Variants in ARHGEF10L observed in about 807,000 individuals in gnomAD.
ARHGEF10L encodes Rho guanine nucleotide exchange factor 10 like, also known as rho guanine nucleotide exchange factor 10-like protein.
A neutral mutation model predicts 141.2 loss-of-function variants in ARHGEF10L; 69 were observed. That is an observed-to-expected ratio of 0.49 (90% confidence interval 0.40 to 0.60). The LOEUF (loss-of-function observed/expected upper bound fraction) is 0.60, where lower values mean the gene tolerates loss of function less well. Ranked by LOEUF, ARHGEF10L falls within the 20% of genes least tolerant of loss-of-function variation. The pLI, the probability that ARHGEF10L is intolerant of heterozygous loss-of-function variation, is 0.00. For missense variants in ARHGEF10L, 1,482 were observed against 1,734.3 expected (o/e 0.85, Z 2.58); for synonymous variants, 711 against 718.5 (o/e 0.99, Z 0.17).
At chr1:17,671,959 G>A (rs1330564872) in intron 26 of ARHGEF10L, among the ~76,000 whole-genome samples, 1 of 152,334 alleles carries the variant, frequency 6.6e-6, no homozygotes. Context: ...CAAGTGGGGG[G>A]TGGGGGCATT....
chr1:17,550,191 GAGAAGAA>G (rs2077059741), intron 1 of ARHGEF10L, among the ~76,000 whole-genome samples: 1 of 152,248 alleles, frequency 6.6e-6, no homozygotes, highest in African/African-American at 2.4e-5. Context: ...GTGAGGGAAA[GAGAAGAA>G]CTGAGCATGA....
rs1157766033 is a variant in ARHGEF10L, at chr1:17,625,163, C to T, written c.1317+660C>T. Among the ~76,000 whole-genome samples, 2 of 152,212 alleles carry T rather than the reference C, an allele frequency of 1.3e-5. No homozygotes were observed. The highest frequency in any genetic ancestry group is 4.8e-5 in the African/African-American group (2 of 41,450). On this transcript the variant is annotated intron_variant, in intron 13 of 28. Transcript: ENST00000361221. This position sits in a 1 kb window ranked among gnomAD's most constrained non-coding sequence, Gnocchi z 4.5. ...AAGAGAACAGGGGATCAGGAGGAGC[C>T]ACCATCTGACATGGGCCCTGGCGGG... is the stretch of plus-strand genomic sequence containing the variant.
intron 20 of ARHGEF10L, 66 bp from the exon 21 acceptor site, chr1:17,640,136 G>C (rs2061246615): frequency 6.4e-7 from 1 of 1,553,332 alleles, no homozygotes; most frequent in South Asian, 1.2e-5. Context: ...AGTACTACGT[G>C]ACAGCTGGGG....
the ARHGEF10L span, among the ~76,000 whole-genome samples, chr1:17,516,581 C>T: frequency 6.9e-4 from 105 of 152,284 alleles, 1 homozygote; most frequent in African/African-American, 2.3e-3. Flanking sequence ...TCAGCCTTCC[C>T]GGTGGGTGAG....
At chr1:17,634,065 A>G (rs1204026140) in intron 16 of ARHGEF10L, among the ~76,000 whole-genome samples, 1 of 152,190 alleles carries the variant, frequency 6.6e-6, no homozygotes, top group Non-Finnish European at 1.5e-5. Flanking sequence ...AGCCTCTGTC[A>G]CACATGGGTC....
At position 17,623,069 on chromosome 1, in the gene ARHGEF10L, G is replaced by A. The variant is rs2060194126; in HGVS notation, c.1094G>A (p.Arg365His). ...CGCAAGTGCCAGGTGGTGTTCTTCC[G>A]CGTGAAGGAGATCCTGCACTGCCAC... ...SARKCQVVFF[R>H]VKEILHCHSM... The change falls in exon 12 of 29, where the codon CGC becomes CAC. Residue 365 changes from arginine (R) to histidine (H), a missense_variant. Around this residue, in one of 3 missense-constraint regions of ARHGEF10L, gnomAD observed 392 missense variants for 542.1 expected, o/e 0.72. Coordinates refer to ENST00000361221, the MANE Select transcript of ARHGEF10L (RefSeq NM_018125.4). The surrounding 1 kb of genome is among the most constrained non-coding windows in gnomAD (Gnocchi z 4.7). 5 of 1,614,152 alleles carry A rather than the reference G, an allele frequency of 3.1e-6. No homozygotes were observed. The highest frequency in any genetic ancestry group is 2.2e-5 in the East Asian group (1 of 44,858).
At chr1:17,514,075 C>T in the ARHGEF10L span, among the ~76,000 whole-genome samples, 135 of 150,054 alleles carry the variant, frequency 9.0e-4, 1 homozygote, top group Admixed American at 2.5e-3. Context: ...CTGCCTGCCT[C>T]GGCCTCCCAA....
intron 27 of ARHGEF10L, among the ~76,000 whole-genome samples, chr1:17,693,639 C>T (rs1234101578): frequency 6.6e-6 from 1 of 152,184 alleles, no homozygotes; most frequent in Non-Finnish European, 1.5e-5. Context: ...CCTCTTTGAG[C>T]CTTAACATCC....
chr1:17,664,563 A>G lies in ARHGEF10L; in HGVS notation c.2977A>G (p.Thr993Ala), dbSNP rs1427975173. 1.2e-6 allele frequency: 2 copies of G among 1,605,040 alleles called. No individual in the cohort carries two copies. The highest frequency in any genetic ancestry group is 1.7e-6 in the Non-Finnish European group (2 of 1,177,938). Reference protein sequence around the residue: ...AVWASCGPRVTVLEATTLQPQ... With the variant: ...AVWASCGPRVAVLEATTLQPQ... Reference sequence around the variant, plus strand: ...GTGGGCCAGCTGTGGGCCCCGGGTCACTGTCCTGGAAGCCACCACCCTGCA... The same window carrying G: ...GTGGGCCAGCTGTGGGCCCCGGGTCGCTGTCCTGGAAGCCACCACCCTGCA... The change falls in exon 26 of 29, where the codon ACT becomes GCT. Residue 993 changes from threonine (T) to alanine (A), a missense_variant. Transcript: ENST00000361221.
At position 17,588,499 on chromosome 1, in the gene ARHGEF10L, T is replaced by A; in HGVS notation, c.257+20T>A. 1 of 1,613,704 alleles carries A rather than the reference T, an allele frequency of 6.2e-7. No individual in the cohort carries two copies. The highest frequency in any genetic ancestry group is 8.5e-7 in the Non-Finnish European group (1 of 1,179,812). ...CACAGGGTAAGTGAACCTTGCTCCTTTGCTTTGGCGGTTGGAAACAGGGAG... is the reference window on the plus strand; with the variant it reads ...CACAGGGTAAGTGAACCTTGCTCCTATGCTTTGGCGGTTGGAAACAGGGAG... On this transcript the variant is annotated intron_variant, in intron 4 of 28. Coordinates refer to ENST00000361221, the MANE Select transcript of ARHGEF10L (RefSeq NM_018125.4).
At chr1:17,597,856 A>G (rs1337896212) in intron 4 of ARHGEF10L, among the ~76,000 whole-genome samples, 2 of 152,190 alleles carry the variant, frequency 1.3e-5, no homozygotes, top group Non-Finnish European at 2.9e-5. Flanking sequence ...TCGGCTCATC[A>G]GGTGTTTCCA....
Position 17,543,845 on chromosome 1 carries a change from A to G in ARHGEF10L, c.-44+3895A>G, listed in dbSNP as rs186812650. Reference sequence around the variant, plus strand: ...GTATTTTTAGTAGAGACGGGGTTTTACCATGTTGGCCAGGCTGGTCTCAAA... The same window carrying G: ...GTATTTTTAGTAGAGACGGGGTTTTGCCATGTTGGCCAGGCTGGTCTCAAA... On this transcript the variant is annotated intron_variant, in intron 1 of 28. Coordinates refer to ENST00000361221, the MANE Select transcript of ARHGEF10L (RefSeq NM_018125.4). Among the ~76,000 whole-genome samples the G allele has an allele frequency of 3.4e-3, 521 of 151,340 alleles. 3 individuals carry two copies. Among genetic ancestry groups the G allele is most frequent in the African/African-American group, 0.012 (489 of 41,218 alleles).
At position 17,619,703 on chromosome 1, in the gene ARHGEF10L, C is replaced by T. The variant is rs1445733538; in HGVS notation, c.942+258C>T. Among the ~76,000 whole-genome samples the T allele has an allele frequency of 1.3e-5, 2 of 152,144 alleles. No individual in the cohort carries two copies. Among genetic ancestry groups the T allele is most frequent in the African/African-American group, 4.8e-5 (2 of 41,432 alleles). The stretch of plus-strand genomic sequence containing the variant: ...CCGGCATCTAGAACGCTTGCGTCCC[C>T]CAACTCCATGGCATGCAGAGCAGTC... On this transcript the variant is annotated intron_variant, in intron 10 of 28. Transcript: ENST00000361221. The surrounding 1 kb of genome is among the most constrained non-coding windows in gnomAD (Gnocchi z 5.0).
intron 1 of ARHGEF10L, among the ~76,000 whole-genome samples, chr1:17,580,217 G>GCTGAGCATGATCCTGGACT (rs1553177564): frequency 6.6e-6 from 1 of 152,230 alleles, no homozygotes; most frequent in Non-Finnish European, 1.5e-5. Context: ...AAGGTTGGGG[G>GCTGAGCATGATCCTGGACT]CTGAGCATGA....
At chr1:17,633,561 A>C (rs1012268562) in intron 16 of ARHGEF10L, among the ~76,000 whole-genome samples, 6 of 152,032 alleles carry the variant, frequency 3.9e-5, no homozygotes, top group African/African-American at 1.4e-4. Context: ...CATGTTGGCC[A>C]GGCTGGTCTC....
In ARHGEF10L at chr1:17,558,663, C is replaced by T. The variant is rs1229065105; in HGVS notation, c.-44+18713C>T. Among the ~76,000 whole-genome samples, 2 of 152,218 alleles carry T rather than the reference C, an allele frequency of 1.3e-5. No homozygotes were observed. Among genetic ancestry groups the T allele is most frequent in the Non-Finnish European group, 2.9e-5 (2 of 68,036 alleles). Reference sequence around the variant, plus strand: ...CTGGGGCAGGTGGGGACCTTTTCCTCTTTTGACACTCAGGTTCTCTTTGGT... The same window carrying T: ...CTGGGGCAGGTGGGGACCTTTTCCTTTTTTGACACTCAGGTTCTCTTTGGT... On this transcript the variant is annotated intron_variant, in intron 1 of 28. Coordinates refer to ENST00000361221, the MANE Select transcript of ARHGEF10L (RefSeq NM_018125.4). The surrounding 1 kb of genome is among the most constrained non-coding windows in gnomAD (Gnocchi z 4.2).
chr1:17,539,412 C>A (rs1319122412), upstream of ARHGEF10L, among the ~76,000 whole-genome samples: 1 of 152,142 alleles, frequency 6.6e-6, no homozygotes, highest in Non-Finnish European at 1.5e-5. The surrounding 1 kb of genome is among the most constrained non-coding windows in gnomAD (Gnocchi z 6.0). Context: ...GAAGGAGAAC[C>A]GGGAGGCGGG....
chr1:17,540,947 G>A (rs571662162), intron 1 of ARHGEF10L, among the ~76,000 whole-genome samples: 15 of 152,286 alleles, frequency 9.8e-5, no homozygotes, highest in African/African-American at 3.6e-4. Flanking sequence ...TGCCCCCCAC[G>A]GTGTTCAGGC....
At chr1:17,664,641 T>C in intron 26 of ARHGEF10L, 46 bp downstream of exon 26, 1 of 1,473,128 alleles carries the variant, frequency 6.8e-7, no homozygotes, top group Non-Finnish European at 9.0e-7. Flanking sequence ...CCTGCCTTCC[T>C]TTTGCTGACC....
Sources: allele counts gnomAD v4.1 joint callset (sites outside exome capture counted in the v4.1 genomes callset), GRCh38; gene constraint gnomAD v4.1.1; regional missense constraint gnomAD v4.1.1; non-coding constraint Gnocchi (gnomAD v3.1); transcripts MANE v1.5; gene names NCBI Gene and HGNC (gene_info 2026-07-23, HGNC 2026-07-21).